OSBPL9: variants seen among roughly 807,000 people sequenced by gnomAD.
The protein encoded by OSBPL9 is oxysterol-binding protein-related protein 9.
In OSBPL9, 40 loss-of-function variants were observed where a neutral mutation model predicts 106.6. That is an observed-to-expected ratio of 0.38 (90% confidence interval 0.29 to 0.49). The LOEUF is 0.49. OSBPL9 is among the 20% of genes least tolerant of loss of function. OSBPL9 has a pLI of 0.97. For missense variants in OSBPL9, 609 were observed against 887.2 expected (o/e 0.69, Z 3.98); for synonymous variants, 269 against 295.4 (o/e 0.91, Z 0.92).
intron 1 of OSBPL9, among the ~76,000 whole-genome samples, chr1:51,626,575 A>G (rs1232549098): frequency 6.6e-6 from 1 of 152,094 alleles, no homozygotes; most frequent in East Asian, 1.9e-4. Flanking sequence ...ACAGTGTGCT[A>G]TCACAGCTCA....
intron 4 of OSBPL9, chr1:51,730,036 G>C: frequency 7.7e-7 from 1 of 1,301,026 alleles, no homozygotes; most frequent in Non-Finnish European, 9.8e-7. Context: ...AGAGGGGCCG[G>C]CCCCTACCCC....
intron 1 of OSBPL9, among the ~76,000 whole-genome samples, chr1:51,592,568 C>T (rs1418464224): frequency 1.3e-5 from 2 of 152,148 alleles, no homozygotes; most frequent in Non-Finnish European, 2.9e-5. Context: ...GGTAAATAGA[C>T]AGTCATTGTG....
At chr1:51,518,948 G>C in the OSBPL9 span, among the ~76,000 whole-genome samples, 148 of 151,402 alleles carry the variant, frequency 9.8e-4, 1 homozygote, top group African/African-American at 3.5e-3. Context: ...GGAGGGCGGC[G>C]AGGGCCGCGC....
the OSBPL9 span, among the ~76,000 whole-genome samples, chr1:51,532,998 A>G: frequency 3.3e-5 from 5 of 152,114 alleles, no homozygotes; most frequent in African/African-American, 1.2e-4. Context: ...TGGTAATTAA[A>G]TGGTAATTGG....
intron 1 of OSBPL9, among the ~76,000 whole-genome samples, chr1:51,617,769 G>A (rs1037181431): frequency 6.6e-6 from 1 of 152,186 alleles, no homozygotes; most frequent in African/African-American, 2.4e-5. Context: ...CAGGTTGTGT[G>A]TCTCATTCAA....
At chr1:51,596,258 CA>C (rs35791042) in intron 1 of OSBPL9, among the ~76,000 whole-genome samples, 1,036 of 48,350 alleles carry the variant, frequency 0.021, 2 homozygotes, top group Middle Eastern at 0.042. Context: ...GACGCTGTCT[CA>C]AAAAAAAAAA....
At chr1:51,622,357 T>G (rs2148628786) in intron 1 of OSBPL9, among the ~76,000 whole-genome samples, 1 of 151,728 alleles carries the variant, frequency 6.6e-6, no homozygotes, top group South Asian at 2.1e-4. Context: ...GTTGAGAGAG[T>G]GAGTAGAATA....
chr1:51,548,210 A>C, the OSBPL9 span, among the ~76,000 whole-genome samples: 1 of 152,134 alleles, frequency 6.6e-6, no homozygotes, highest in African/African-American at 2.4e-5. Flanking sequence ...AGAATTATGC[A>C]GGCATTTTTT....
chr1:51,757,723 G>A (rs886571369), intron 9 of OSBPL9, among the ~76,000 whole-genome samples: 17 of 151,946 alleles, frequency 1.1e-4, no homozygotes, highest in African/African-American at 3.9e-4. Flanking sequence ...CATGGAATAG[G>A]CCTTAGAGGC....
intron 2 of OSBPL9, among the ~76,000 whole-genome samples, chr1:51,668,119 C>CTTGTCAAGGTCTCTGGTT (rs1648952685): frequency 6.6e-6 from 1 of 152,092 alleles, no homozygotes; most frequent in South Asian, 2.1e-4. Context: ...TTTCAACTCC[C>CTTGTCAAGGTCTCTGGTT]TTGTCAAGGT....
At chr1:51,712,000 C>G (rs1212521562) in intron 3 of OSBPL9, among the ~76,000 whole-genome samples, 1 of 152,064 alleles carries the variant, frequency 6.6e-6, no homozygotes, top group Non-Finnish European at 1.5e-5. Flanking sequence ...TCCTCACTTC[C>G]CAGACGGGGT....
rs1659918856 is a variant in OSBPL9, at chr1:51,711,530, C to T, written c.242-2473C>T. Reference sequence around the variant, plus strand: ...CGGGGGGCTGACCCCCCACCTCCCTCCCGGACGGGGTGGCTGCCGGGCGGA... The same window carrying T: ...CGGGGGGCTGACCCCCCACCTCCCTTCCGGACGGGGTGGCTGCCGGGCGGA... On this transcript the variant is annotated intron_variant, in intron 3 of 23. Transcript: ENST00000428468. 6.1e-5 allele frequency among the ~76,000 whole-genome samples: 8 copies of T among 131,814 alleles called. No homozygotes were observed. The South Asian group carries it at 1.8e-3, about 29-fold the overall frequency. 86.5% of individuals were successfully genotyped at this position (131,814 alleles called of 152,430 possible).
At chr1:51,658,331 C>T (rs1018021018) in intron 2 of OSBPL9, among the ~76,000 whole-genome samples, 2 of 151,638 alleles carry the variant, frequency 1.3e-5, no homozygotes, top group East Asian at 1.9e-4. Flanking sequence ...TACTCAAACA[C>T]GGTGTTTGGA....
At chr1:51,703,392 C>T (rs565150012) in intron 3 of OSBPL9, among the ~76,000 whole-genome samples, 163 of 152,242 alleles carry the variant, frequency 1.1e-3, no homozygotes, top group African/African-American at 3.6e-3. Flanking sequence ...GTATTTTATT[C>T]TCTTTGAAGC....
chr1:51,668,218 T>G (rs1648974127), intron 2 of OSBPL9, among the ~76,000 whole-genome samples: 1 of 152,216 alleles, frequency 6.6e-6, no homozygotes. Context: ...TCTGGAATAC[T>G]TAAGATACTT....
chr1:51,601,247 C>T (rs916550225), intron 2 of OSBPL9, among the ~76,000 whole-genome samples: 1 of 152,132 alleles, frequency 6.6e-6, no homozygotes, highest in Non-Finnish European at 1.5e-5. Flanking sequence ...CACTAAGGCC[C>T]ATGTTTGGGA....
the OSBPL9 span, among the ~76,000 whole-genome samples, chr1:51,536,335 C>T: frequency 2.0e-5 from 3 of 151,956 alleles, no homozygotes; most frequent in South Asian, 2.1e-4. Flanking sequence ...GAAACAGGAT[C>T]GCGCTCTGTC....
Position 51,784,039 on chromosome 1 carries a change from C to CAT in OSBPL9, c.1624+15_1624+16dup. The CAT allele has an allele frequency of 2.5e-6, 4 of 1,582,130 alleles. No individual in the cohort carries two copies. The highest frequency in any genetic ancestry group is 3.5e-6 in the Non-Finnish European group (4 of 1,151,764). ...ACATAGGGCAGGGTAAGTGTGTTGG[C>CAT]ATTGGGTGGACTACAATGTTATAGG... On this transcript the variant is annotated intron_variant, in intron 18 of 23. Transcript: ENST00000428468.
intron 3 of OSBPL9, among the ~76,000 whole-genome samples, chr1:51,702,650 T>G (rs1287070312): frequency 6.6e-6 from 1 of 152,244 alleles, no homozygotes; most frequent in African/African-American, 2.4e-5. Context: ...TTAATTTAAT[T>G]AGATCCCATT....
Sources: gnomAD v4.1 joint callset for allele counts (sites outside exome capture counted in the v4.1 genomes callset) on GRCh38, gnomAD v4.1.1 for gene constraint, MANE v1.5 for transcripts, NCBI Gene and HGNC (gene_info 2026-07-23, HGNC 2026-07-21) for gene names.